SP4: variants seen among roughly 807,000 people sequenced by gnomAD.
SP4 encodes the protein transcription factor Sp4.
Under a neutral mutation model 72.8 loss-of-function variants are expected in SP4, and 19 were observed. The ratio of observed to expected loss-of-function variants is 0.26; its 90% CI spans 0.18 to 0.38. SP4 has a LOEUF of 0.38. Among genes scored for constraint, SP4 ranks in the 10% least tolerant of loss-of-function variants. The pLI, the probability that SP4 is intolerant of heterozygous loss-of-function variation, is 1.00. For missense variants in SP4, 1,008 were observed against 926.3 expected (o/e 1.09, Z -1.14); for synonymous variants, 395 against 333.1 (o/e 1.19, Z -2.02).
chr7:21,490,126 A>G (rs1007138186), intron 5 of SP4, among the ~76,000 whole-genome samples: 4 of 152,236 alleles, frequency 2.6e-5, no homozygotes, highest in Non-Finnish European at 4.4e-5. Context: ...CTAAATGAGG[A>G]CAATGAAAAG....
At chr7:21,434,002 T>C (rs1354280017) in intron 3 of SP4, among the ~76,000 whole-genome samples, 1 of 152,090 alleles carries the variant, frequency 6.6e-6, no homozygotes, top group Non-Finnish European at 1.5e-5. Context: ...CTTTTCTGTC[T>C]TGACAAGGGG....
chr7:21,503,060 A>C (rs561393979), intron 5 of SP4, among the ~76,000 whole-genome samples: 1 of 152,152 alleles, frequency 6.6e-6, no homozygotes, highest in East Asian at 1.9e-4. Context: ...TGGCTGTCTC[A>C]GTGGTCAGGA....
At chr7:21,477,875 TTTA>T (rs1359626227) in intron 4 of SP4, among the ~76,000 whole-genome samples, 1 of 152,130 alleles carries the variant, frequency 6.6e-6, no homozygotes, top group Non-Finnish European at 1.5e-5. Context: ...TTTACGTAAC[TTTA>T]TTGATATAAA....
rs1019469016 is a variant in SP4, at chr7:21,469,149, T to G, written c.1679-7930T>G. Among the ~76,000 whole-genome samples the G allele has an allele frequency of 3.9e-5, 6 of 152,196 alleles. No individual in the cohort carries two copies. In the South Asian group the frequency reaches 1.2e-3, roughly 31 times the overall value. ...AGTACAGTAATGGCTTTGTAAATTA[T>G]GGTATATGATGAAATATTGCACAAC... On this transcript the variant is annotated intron_variant, in intron 3 of 5. Coordinates refer to ENST00000222584, the MANE Select transcript of SP4 (RefSeq NM_003112.5).
At chr7:21,434,615 T>TA (rs937882037) in intron 3 of SP4, among the ~76,000 whole-genome samples, 6 of 151,926 alleles carry the variant, frequency 3.9e-5, no homozygotes, top group African/African-American at 1.2e-4. Context: ...CTTTTACTTT[T>TA]AAAAAAAATA....
intron 2 of SP4, 27 bp from the exon 3 acceptor site, chr7:21,429,262 T>A (rs377391548): frequency 3.8e-6 from 4 of 1,063,418 alleles, no homozygotes; most frequent in Non-Finnish European, 5.3e-6. Context: ...CCCCCCCCCC[T>A]CTCCTTTACC....
chr7:21,446,135 G>T (rs1583390008), intron 3 of SP4, among the ~76,000 whole-genome samples: 1 of 151,576 alleles, frequency 6.6e-6, no homozygotes, highest in South Asian at 2.1e-4. Context: ...AACTTAAAGG[G>T]ATTATATTCT....
Position 21,482,084 on chromosome 7 carries a change from C to T in SP4, c.2068C>T (p.Arg690Trp), listed in dbSNP as rs869025250. 2 of 1,613,876 alleles carry T rather than the reference C, an allele frequency of 1.2e-6. No individual in the cohort carries two copies. The highest frequency in any genetic ancestry group is 1.3e-5 in the African/African-American group (1 of 74,914). The change falls in exon 5 of 6, where the codon CGG becomes TGG. Residue 690 changes from arginine to tryptophan, a missense_variant. Physicochemically the swap from Arg to Trp is moderately radical, Grantham distance 101. Coordinates refer to ENST00000222584, the MANE Select transcript of SP4 (RefSeq NM_003112.5). ...GATGTTTTGTGGCAAAAGATTCACA[C>T]GGAGTGATGAGCTCCAGAGACATAG... is the stretch of plus-strand genomic sequence containing the variant. The part of the protein sequence containing the change: ...NWMFCGKRFT[R>W]SDELQRHRRT...
At chr7:21,433,292 A>G (rs999552733) in intron 3 of SP4, among the ~76,000 whole-genome samples, 5 of 152,076 alleles carry the variant, frequency 3.3e-5, no homozygotes, top group Non-Finnish European at 5.9e-5. Flanking sequence ...GGAAATTTGA[A>G]CTCTACATAG....
intron 3 of SP4, among the ~76,000 whole-genome samples, chr7:21,439,915 C>T (rs1186945473): frequency 6.6e-6 from 1 of 152,072 alleles, no homozygotes; most frequent in Non-Finnish European, 1.5e-5. Flanking sequence ...AAATATGTCT[C>T]TCTGTATGTA....
chr7:21,449,415 A>AT (rs946800073), intron 3 of SP4, among the ~76,000 whole-genome samples: 1 of 151,916 alleles, frequency 6.6e-6, no homozygotes, highest in Admixed American at 6.6e-5. Flanking sequence ...TGGGCTACTG[A>AT]TTTTTTTTCA....
chr7:21,500,318 A>G (rs1372584722), intron 5 of SP4, among the ~76,000 whole-genome samples: 1 of 152,184 alleles, frequency 6.6e-6, no homozygotes, highest in Non-Finnish European at 1.5e-5. Context: ...TAAATTTTTT[A>G]TAAGGTTATA....
At chr7:21,481,808 T>G in intron 4 of SP4, 116 bp from the exon 5 acceptor site, 1 of 735,884 alleles carries the variant, frequency 1.4e-6, no homozygotes, top group Non-Finnish European at 2.3e-6. Context: ...TATGGCATCA[T>G]GATCAAACCT....
chr7:21,469,134 T>C (rs1027997788), intron 3 of SP4, among the ~76,000 whole-genome samples: 1 of 152,198 alleles, frequency 6.6e-6, no homozygotes, highest in Admixed American at 6.5e-5. Context: ...AGTACAGTAA[T>C]GGCTTTGTAA....
chr7:21,495,801 A>ATG lies in SP4; in HGVS notation c.2107+13691_2107+13692dup, dbSNP rs3060618. On this transcript the variant is annotated intron_variant, in intron 5 of 5. Transcript: ENST00000222584. ...CACACAAAAAAAGCTGTGAGTGTGC[A>ATG]TGTGTGTGTGTGTGGCAGATTTATT... is the stretch of plus-strand genomic sequence containing the variant. Among the ~76,000 whole-genome samples the ATG allele has an allele frequency of 2.4e-4, 36 of 151,762 alleles. No homozygotes were observed. The South Asian group carries it at 4.2e-3, about 18-fold the overall frequency.
At chr7:21,510,490 A>C (rs1782113313) in intron 5 of SP4, among the ~76,000 whole-genome samples, 1 of 152,214 alleles carries the variant, frequency 6.6e-6, no homozygotes, top group African/African-American at 2.4e-5. Flanking sequence ...GAAACCTAAA[A>C]ACTTTATTAA....
At chr7:21,439,317 C>CT (rs59341424) in intron 3 of SP4, among the ~76,000 whole-genome samples, 6 of 151,520 alleles carry the variant, frequency 4.0e-5, no homozygotes, top group Non-Finnish European at 7.4e-5. Context: ...ATCTGTATGC[C>CT]TTTTTTTTTA....
chr7:21,460,316 C>T (rs931075671), intron 3 of SP4, among the ~76,000 whole-genome samples: 10 of 152,050 alleles, frequency 6.6e-5, no homozygotes, highest in African/African-American at 2.2e-4. Context: ...GTCTTACTGG[C>T]TCAGGATTGA....
intron 3 of SP4, among the ~76,000 whole-genome samples, chr7:21,439,454 T>C (rs954956184): frequency 3.3e-5 from 5 of 152,166 alleles, no homozygotes; most frequent in African/African-American, 1.2e-4. Context: ...GAATGTACAC[T>C]GTACCCATTA....
Sources: allele counts gnomAD v4.1 joint callset (sites outside exome capture counted in the v4.1 genomes callset), GRCh38; gene constraint gnomAD v4.1.1; transcripts MANE v1.5; gene names NCBI Gene and HGNC (gene_info 2026-07-23, HGNC 2026-07-21).